Variants in GRIK1 observed in about 807,000 individuals in gnomAD.
GRIK1 encodes glutamate ionotropic receptor kainate type subunit 1.
In GRIK1, 69 loss-of-function variants were observed where a neutral mutation model predicts 105.7. The observed-to-expected ratio is 0.65, with a 90% CI of 0.54 to 0.80. GRIK1 has a LOEUF of 0.80. GRIK1 is among the 30% of genes least tolerant of loss of function. The pLI, the probability that GRIK1 is intolerant of heterozygous loss-of-function variation, is 0.00. For missense variants in GRIK1, 1,109 were observed against 1,167.3 expected, an observed-to-expected ratio of 0.95 and a Z score of 0.73; for synonymous variants, 438 against 431.3, an observed-to-expected ratio of 1.02 and a Z score of -0.19.
chr21:29,560,339 CTTTCTTTCTTTCTTTCTTTTT>C lies in GRIK1; in HGVS notation c.2356+1264_2356+1284del. Among the ~76,000 whole-genome samples the C allele has an allele frequency of 1.7e-4, 20 of 115,780 alleles. 1 individual carries two copies. Among genetic ancestry groups the C allele is most frequent in the Non-Finnish European group, 3.0e-4 (17 of 56,744 alleles). The allele number at this position is 115,780 out of a possible 152,430, so 76.0% of individuals were successfully genotyped here. On this transcript the variant is annotated intron_variant, in intron 15 of 17. Coordinates refer to ENST00000327783, the MANE Select transcript of GRIK1 (RefSeq NM_001330994.2). Reference sequence around the variant, plus strand: ...TCTTTCTTTCTTTCTTTCTTTCTTTCTTTCTTTCTTTCTTTCTTTTTCTTTCTTCCTTCCTTCCTTCCTTCC... The same window carrying C: ...TCTTTCTTTCTTTCTTTCTTTCTTTCCTTTCTTCCTTCCTTCCTTCCTTCC...
In GRIK1 at chr21:29,810,731, T is replaced by C. The variant is rs1335843241; in HGVS notation, c.119-116668A>G. 2.6e-5 allele frequency among the ~76,000 whole-genome samples: 4 copies of C among 152,102 alleles called. No homozygotes were observed. The East Asian group carries it at 5.8e-4, about 22-fold the overall frequency. On this transcript the variant is annotated intron_variant, in intron 1 of 17. Coordinates refer to ENST00000327783, the MANE Select transcript of GRIK1 (RefSeq NM_001330994.2). ...ATAGGAGAGCCTAGAGAGAAAGCAA[T>C]GAAGACAGAGAAGTAGCAATAGCTG...
chr21:29,726,474 GAAT>G (rs2064465764), intron 1 of GRIK1, among the ~76,000 whole-genome samples: 1 of 152,102 alleles, frequency 6.6e-6, no homozygotes, highest in African/African-American at 2.4e-5. Flanking sequence ...ACGCTTATGT[GAAT>G]AATATCGTAC....
At chr21:29,814,815 A>C (rs1222468219) in intron 1 of GRIK1, among the ~76,000 whole-genome samples, 2 of 152,028 alleles carry the variant, frequency 1.3e-5, no homozygotes, top group Non-Finnish European at 2.9e-5. Flanking sequence ...TTTGAGGTTA[A>C]GTTTTCAAAT....
intron 3 of GRIK1, among the ~76,000 whole-genome samples, chr21:29,686,476 C>A (rs569798790): frequency 6.6e-6 from 1 of 152,298 alleles, no homozygotes; most frequent in African/African-American, 2.4e-5. Flanking sequence ...TGAGCTGAAC[C>A]CACTTCATAT....
intron 1 of GRIK1, among the ~76,000 whole-genome samples, chr21:29,713,061 G>A (rs112703016): frequency 3.3e-5 from 5 of 151,972 alleles, no homozygotes; most frequent in African/African-American, 9.7e-5. Flanking sequence ...CAGTAAATTC[G>A]TCTGTCTCTC....
At chr21:29,700,640 T>C (rs957663072) in intron 1 of GRIK1, among the ~76,000 whole-genome samples, 2 of 152,146 alleles carry the variant, frequency 1.3e-5, no homozygotes, top group African/African-American at 2.4e-5. Flanking sequence ...CTAACCTGCT[T>C]TTCAATCACT....
intron 1 of GRIK1, among the ~76,000 whole-genome samples, chr21:29,725,702 TGA>T (rs1463411572): frequency 5.3e-5 from 8 of 152,218 alleles, no homozygotes; most frequent in Admixed American, 3.3e-4. Context: ...CTTATAATTA[TGA>T]GAGTGCATAA....
chr21:29,632,580 GTA>G (rs143277923), intron 7 of GRIK1, among the ~76,000 whole-genome samples: 13 of 151,684 alleles, frequency 8.6e-5, no homozygotes, highest in East Asian at 3.9e-4. Context: ...CCATAAATAT[GTA>G]TATATATATG....
intron 1 of GRIK1, among the ~76,000 whole-genome samples, chr21:29,840,310 G>A (rs1443161273): frequency 6.6e-6 from 1 of 152,094 alleles, no homozygotes; most frequent in Non-Finnish European, 1.5e-5. Context: ...AAGTGTTCAG[G>A]AATATTAAAA....
At chr21:29,907,019 A>C (rs1602011052) in intron 1 of GRIK1, among the ~76,000 whole-genome samples, 2 of 146,756 alleles carry the variant, frequency 1.4e-5, no homozygotes, top group Admixed American at 1.3e-4. Context: ...TGAATCAATA[A>C]AAATAAAAAA....
intron 4 of GRIK1, among the ~76,000 whole-genome samples, chr21:29,665,563 C>G (rs1048412651): frequency 6.6e-6 from 1 of 152,182 alleles, no homozygotes. Flanking sequence ...AAAGAATGAA[C>G]TGCTTAATTA....
At chr21:29,538,068 G>A (rs1008625381) in intron 16 of GRIK1, among the ~76,000 whole-genome samples, 184 bp from the exon 17 acceptor site, 2 of 152,098 alleles carry the variant, frequency 1.3e-5, no homozygotes, top group Non-Finnish European at 2.9e-5. Context: ...ATTAAAAAAT[G>A]TTCTACATAT....
chr21:29,889,058 G>C (rs1434836801), intron 1 of GRIK1, among the ~76,000 whole-genome samples: 1 of 152,132 alleles, frequency 6.6e-6, no homozygotes, highest in Non-Finnish European at 1.5e-5. Context: ...CCTTTGCAGG[G>C]ACCTCTTAGA....
chr21:29,620,207 T>C (rs2061954344), intron 7 of GRIK1, among the ~76,000 whole-genome samples: 2 of 152,194 alleles, frequency 1.3e-5, no homozygotes, highest in African/African-American at 4.8e-5. Context: ...ACCCAGACCA[T>C]CTTGAATTGG....
At chr21:29,809,476 G>A (rs1194056233) in intron 1 of GRIK1, among the ~76,000 whole-genome samples, 2 of 152,192 alleles carry the variant, frequency 1.3e-5, no homozygotes, top group African/African-American at 2.4e-5. Flanking sequence ...TTTGCTGGTG[G>A]AGGGTTTTGC....
chr21:29,666,831 CTTG>C (rs912932998), intron 4 of GRIK1, among the ~76,000 whole-genome samples: 3 of 152,204 alleles, frequency 2.0e-5, no homozygotes, highest in African/African-American at 4.8e-5. Context: ...CAGTTGACAT[CTTG>C]TTGTACACAA....
intron 1 of GRIK1, among the ~76,000 whole-genome samples, chr21:29,824,711 G>A (rs394993): frequency 0.026 from 3,326 of 128,704 alleles, 52 homozygotes; most frequent in Non-Finnish European, 0.035. Flanking sequence ...TGAATTCAGA[G>A]GACGAGAATC....
intron 4 of GRIK1, among the ~76,000 whole-genome samples, chr21:29,671,626 T>G (rs2063162418): frequency 6.6e-6 from 1 of 152,112 alleles, no homozygotes; most frequent in Non-Finnish European, 1.5e-5. Flanking sequence ...TCTGCATTCC[T>G]GCGAAGGGGT....
intron 1 of GRIK1, among the ~76,000 whole-genome samples, chr21:29,854,165 G>A (rs887200114): frequency 1.6e-4 from 24 of 152,184 alleles, no homozygotes; most frequent in African/African-American, 4.8e-4. Flanking sequence ...GGTAGAAGGG[G>A]AAGGGGAGCT....
Sources: allele counts gnomAD v4.1 joint callset (sites outside exome capture counted in the v4.1 genomes callset), GRCh38; gene constraint gnomAD v4.1.1; transcripts MANE v1.5; gene names NCBI Gene and HGNC (gene_info 2026-07-23, HGNC 2026-07-21).